PFKP: variants seen among roughly 807,000 people sequenced by gnomAD.
The protein encoded by PFKP is ATP-dependent 6-phosphofructokinase, platelet type.
PFKP carries 101 observed loss-of-function variants against 94.3 expected under a neutral mutation model. That is an observed-to-expected ratio of 1.07 (90% CI 0.91 to 1.26). The LOEUF (loss-of-function observed/expected upper bound fraction) is 1.26. PFKP is among the 50% of genes most tolerant of loss of function. PFKP has a pLI of 0.00. For synonymous variants in PFKP, 573 were observed against 432.6 expected, an observed-to-expected ratio of 1.32 and a Z score of -4.03; for missense variants, 1,145 against 1,103.3, an observed-to-expected ratio of 1.04 and a Z score of -0.53.
At position 3,101,484 on chromosome 10, in the gene PFKP, C is replaced by A; in HGVS notation, c.384C>A (p.Asp128Glu). The stretch of plus-strand genomic sequence containing the variant: ...CCAACCTGTGTGTGATCGGCGGGGA[C>A]GGGAGCCTCACCGGGGCCAACCTCT... ...GITNLCVIGGDGSLTGANLFR... is the reference protein window; with the variant it reads ...GITNLCVIGGEGSLTGANLFR... Residue 128 changes from aspartate to glutamate, a missense_variant, in exon 4 of 22, where the codon GAC becomes GAA. Around this residue, in one of 3 missense-constraint regions of PFKP, gnomAD observed 1,119 missense variants for 1,062.8 expected, o/e 1.05. Coordinates refer to ENST00000381125, the MANE Select transcript of PFKP (RefSeq NM_002627.5). 1 of 1,602,096 alleles carries A rather than the reference C, an allele frequency of 6.2e-7. No homozygotes were observed. Among genetic ancestry groups the A allele is most frequent in the South Asian group, 1.1e-5 (1 of 89,670 alleles).
At position 3,133,226 on chromosome 10, in the gene PFKP, ACAC is replaced by A; in HGVS notation, c.1939_1941del (p.Thr647del). 6.2e-7 allele frequency: 1 copy of A among 1,613,908 alleles called. No homozygotes were observed. The highest frequency in any genetic ancestry group is 8.5e-7 in the Non-Finnish European group (1 of 1,179,790). ...AGAAATGAGAGCTGCAGTGAAAACT[ACAC>A]CACCGACTTCATTTACCAGCTGTAT... On this transcript the variant is annotated inframe_deletion, in exon 19 of 22. Coordinates refer to ENST00000381125, the MANE Select transcript of PFKP (RefSeq NM_002627.5).
At chr10:3,101,073 A>T in intron 3 of PFKP, 1 of 1,218,586 alleles carries the variant, frequency 8.2e-7, no homozygotes, top group African/African-American at 1.5e-5. Flanking sequence ...GGCTGCTGTG[A>T]CACCGCAGGC....
At chr10:3,122,898 C>T (rs779415924) in intron 16 of PFKP, among the ~76,000 whole-genome samples, 21 of 152,198 alleles carry the variant, frequency 1.4e-4, no homozygotes, top group East Asian at 9.6e-4. Context: ...AGACAAGGGA[C>T]GCTGCGGAAC....
At chr10:3,086,262 C>G (rs968909842) in intron 2 of PFKP, among the ~76,000 whole-genome samples, 1 of 152,138 alleles carries the variant, frequency 6.6e-6, no homozygotes, top group Non-Finnish European at 1.5e-5. Context: ...AAGTTAGTTC[C>G]CTCACAGAAG....
Position 3,067,553 on chromosome 10 carries a change from C to T in PFKP, c.-43C>T, listed in dbSNP as rs1172737638. ...CGCGCGCGGGCAGGGTCCCCATTGC[C>T]TGCTGCGCACCCGGACGTGCGGCTC... is the stretch of plus-strand genomic sequence containing the variant. On this transcript the variant is annotated 5_prime_UTR_variant, in exon 1 of 22. Coordinates refer to ENST00000381125, the MANE Select transcript of PFKP (RefSeq NM_002627.5). 1 of 1,114,662 alleles carries T rather than the reference C, an allele frequency of 9.0e-7. No homozygotes were observed. The highest frequency in any genetic ancestry group is 2.2e-5 in the Admixed American group (1 of 45,944). 69.0% of individuals were successfully genotyped at this position (1,114,662 alleles called of 1,614,324 possible).
chr10:3,072,593 T>A lies in PFKP; in HGVS notation c.112+4886T>A, dbSNP rs1422157473. ...GGGAGATTTGTGTAATGGCATCATT[T>A]TCTGTGAATGCAGACCGTTTTGTGT... is the stretch of plus-strand genomic sequence containing the variant. On this transcript the variant is annotated intron_variant, in intron 1 of 21. Transcript: ENST00000381125. Among the ~76,000 whole-genome samples the A allele has an allele frequency of 1.3e-5, 2 of 151,572 alleles. 1 individual carries two copies. The highest frequency in any genetic ancestry group is 3.9e-4 in the East Asian group (2 of 5,192).
intron 19 of PFKP, 29 bp from the exon 20 acceptor site, chr10:3,134,454 G>T (rs766997864): frequency 1.1e-5 from 13 of 1,236,956 alleles, no homozygotes; most frequent in African/African-American, 1.5e-5. Flanking sequence ...TGTATAACTG[G>T]TATTTCATAT....
At chr10:3,110,675 T>C (rs1372233629) in intron 10 of PFKP, among the ~76,000 whole-genome samples, 1 of 152,110 alleles carries the variant, frequency 6.6e-6, no homozygotes, top group Non-Finnish European at 1.5e-5. Context: ...AGTATTTGTG[T>C]GTATGTGTGT....
At chr10:3,090,381 T>C (rs567450106) in intron 2 of PFKP, among the ~76,000 whole-genome samples, 4 of 152,170 alleles carry the variant, frequency 2.6e-5, no homozygotes, top group Admixed American at 6.5e-5. Context: ...CCTGTCTCCC[T>C]GGTAGAAAGG....
At chr10:3,132,278 T>C (rs1011734088) in intron 17 of PFKP, 102 bp from the exon 18 acceptor site, 6 of 807,808 alleles carry the variant, frequency 7.4e-6, no homozygotes, top group Middle Eastern at 2.8e-4. Context: ...TTGGCCACGC[T>C]CACTGCCACA....
intron 1 of PFKP, among the ~76,000 whole-genome samples, chr10:3,071,427 G>GTTTTTTTTTTTTTTTTTTTTT (rs569603765): frequency 1.1e-5 from 1 of 92,470 alleles, no homozygotes; most frequent in Non-Finnish European, 2.2e-5. Context: ...GTCTCAGGCT[G>GTTTTTTTTTTTTTTTTTTTTT]TTTTTTTTTT....
intron 16 of PFKP, among the ~76,000 whole-genome samples, chr10:3,128,324 A>G (rs1196552696): frequency 6.6e-6 from 1 of 152,188 alleles, no homozygotes; most frequent in Admixed American, 6.5e-5. Flanking sequence ...AATTTCTGTG[A>G]AGAGAGGACA....
At chr10:3,117,299 C>G (rs7091146) in intron 14 of PFKP, among the ~76,000 whole-genome samples, 5,933 of 152,264 alleles carry the variant, frequency 0.039, 138 homozygotes, top group Non-Finnish European at 0.046. Context: ...CCAAGGAATT[C>G]TAGTCTAAAA....
chr10:3,072,627 C>A (rs781373598), intron 1 of PFKP, among the ~76,000 whole-genome samples: 7 of 151,938 alleles, frequency 4.6e-5, no homozygotes, highest in Admixed American at 1.3e-4. Flanking sequence ...GTGCCATACT[C>A]GAATGACCCT....
intron 1 of PFKP, among the ~76,000 whole-genome samples, chr10:3,077,912 A>G (rs1271061509): frequency 6.6e-6 from 1 of 152,224 alleles, no homozygotes; most frequent in Admixed American, 6.5e-5. Flanking sequence ...ATGACAAGAT[A>G]TTCACTTCCC....
intron 6 of PFKP, 107 bp downstream of exon 6, chr10:3,105,266 G>A: frequency 2.2e-6 from 3 of 1,333,652 alleles, no homozygotes; most frequent in East Asian, 2.3e-5. Flanking sequence ...GGAAAGTCCT[G>A]AAGGGGCCGG....
intron 10 of PFKP, 93 bp from the exon 11 acceptor site, chr10:3,112,129 T>C: frequency 1.0e-6 from 1 of 1,003,440 alleles, no homozygotes; most frequent in Non-Finnish European, 1.6e-6. Context: ...TGGAGGGGGC[T>C]GGTGGGAAGG....
intron 2 of PFKP, among the ~76,000 whole-genome samples, chr10:3,092,139 C>G (rs1834092439): frequency 6.6e-6 from 1 of 151,820 alleles, no homozygotes; most frequent in African/African-American, 2.4e-5. Context: ...GGGTCTCCAT[C>G]TCCCCATGGC....
intron 16 of PFKP, 44 bp from the exon 17 acceptor site, chr10:3,129,775 C>T (rs368112527): frequency 1.9e-6 from 3 of 1,605,188 alleles, no homozygotes; most frequent in Non-Finnish European, 1.7e-6. Context: ...GGTGGGCGCG[C>T]CCCGGGCCTG....
Sources: allele counts gnomAD v4.1 joint callset (sites outside exome capture counted in the v4.1 genomes callset), GRCh38; gene constraint gnomAD v4.1.1; regional missense constraint gnomAD v4.1.1; transcripts MANE v1.5; gene names NCBI Gene and HGNC (gene_info 2026-07-23, HGNC 2026-07-21).